The following SYT1 variants were observed in gnomAD, a reference collection of about 807,000 sequenced individuals.
SYT1 encodes the protein synaptotagmin 1, also known as synaptotagmin-1.
Under a neutral mutation model 44.8 loss-of-function variants are expected in SYT1, and 8 were observed. The observed-to-expected ratio is 0.18, with a 90% CI of 0.10 to 0.32. The LOEUF is 0.32. Ranked by LOEUF, SYT1 falls within the 10% of genes least tolerant of loss-of-function variation. SYT1 has a pLI of 1.00. For missense variants in SYT1, 286 were observed against 509.3 expected (o/e 0.56, Z 4.22); for synonymous variants, 154 against 188.8 (o/e 0.82, Z 1.51).
chr12:79,417,922 C>T (rs1868853521), intron 9 of SYT1, among the ~76,000 whole-genome samples: 1 of 152,036 alleles, frequency 6.6e-6, no homozygotes, highest in African/African-American at 2.4e-5. Context: ...GCCCGATGTT[C>T]TGCATTTCTA....
At chr12:79,072,651 C>A (rs913738154) in intron 3 of SYT1, among the ~76,000 whole-genome samples, 1 of 152,060 alleles carries the variant, frequency 6.6e-6, no homozygotes, top group African/African-American at 2.4e-5. Flanking sequence ...TATGCTAGAA[C>A]TTGCAGAGAA....
At chr12:78,974,402 C>G (rs1174223867) in intron 1 of SYT1, among the ~76,000 whole-genome samples, 3 of 151,736 alleles carry the variant, frequency 2.0e-5, no homozygotes, top group Non-Finnish European at 2.9e-5. Flanking sequence ...AACATCAGGT[C>G]TTCCGAAAAT....
chr12:78,904,994 G>A (rs1875883131), intron 1 of SYT1, among the ~76,000 whole-genome samples: 1 of 152,010 alleles, frequency 6.6e-6, no homozygotes, highest in South Asian at 2.1e-4. Flanking sequence ...TAATAAGAAG[G>A]CCAAATATGA....
chr12:79,243,594 G>A (rs1014919295), intron 4 of SYT1, among the ~76,000 whole-genome samples: 11 of 152,168 alleles, frequency 7.2e-5, no homozygotes, highest in South Asian at 2.1e-4. Flanking sequence ...CATTCTTACC[G>A]GCAAGCAGGA....
intron 4 of SYT1, among the ~76,000 whole-genome samples, chr12:79,267,081 A>C (rs1049994430): frequency 6.6e-6 from 1 of 152,222 alleles, no homozygotes; most frequent in Non-Finnish European, 1.5e-5. Context: ...TGTTTCTAGA[A>C]TCTTAAAAGA....
At chr12:79,153,984 AT>A (rs1870438667) in intron 3 of SYT1, among the ~76,000 whole-genome samples, 1 of 152,140 alleles carries the variant, frequency 6.6e-6, no homozygotes, top group African/African-American at 2.4e-5. Flanking sequence ...AACCAAGCAG[AT>A]TTTAGTTGAC....
intron 3 of SYT1, among the ~76,000 whole-genome samples, chr12:79,164,634 T>G (rs924065070): frequency 5.3e-5 from 8 of 152,182 alleles, no homozygotes; most frequent in South Asian, 2.1e-4. Flanking sequence ...TCTTTGGAAA[T>G]TTAATGTTTA....
At chr12:78,912,173 A>G (rs1876373327) in intron 1 of SYT1, among the ~76,000 whole-genome samples, 1 of 152,020 alleles carries the variant, frequency 6.6e-6, no homozygotes, top group South Asian at 2.1e-4. Context: ...AAGTGAAAAT[A>G]GATTTATTCA....
chr12:79,148,823 C>T (rs1260510970), intron 3 of SYT1, among the ~76,000 whole-genome samples: 1 of 152,076 alleles, frequency 6.6e-6, no homozygotes, highest in Non-Finnish European at 1.5e-5. Context: ...TGATTGTAAA[C>T]CATTAATATT....
intron 1 of SYT1, among the ~76,000 whole-genome samples, chr12:78,924,490 T>C (rs1293289675): frequency 6.6e-6 from 1 of 151,582 alleles, no homozygotes; most frequent in African/African-American, 2.4e-5. Flanking sequence ...TTCTTTACAT[T>C]TATTAGTCGA....
intron 1 of SYT1, among the ~76,000 whole-genome samples, chr12:78,940,255 G>A (rs1352589247): frequency 2.0e-5 from 3 of 152,034 alleles, no homozygotes; most frequent in Non-Finnish European, 4.4e-5. Context: ...AGAATGAGAT[G>A]TATTGAGTCT....
chr12:79,312,516 T>C (rs947917648), intron 8 of SYT1, among the ~76,000 whole-genome samples: 23 of 151,982 alleles, frequency 1.5e-4, no homozygotes, highest in African/African-American at 5.3e-4. Flanking sequence ...TCCCTTTTGA[T>C]AAAAGAACAA....
At chr12:79,340,573 A>G (rs1383821135) in intron 8 of SYT1, among the ~76,000 whole-genome samples, 1 of 152,212 alleles carries the variant, frequency 6.6e-6, no homozygotes, top group East Asian at 1.9e-4. Context: ...TTGGGCTGAG[A>G]CAATGGGGTT....
At chr12:79,237,028 G>T (rs749342947) in intron 4 of SYT1, among the ~76,000 whole-genome samples, 1 of 152,140 alleles carries the variant, frequency 6.6e-6, no homozygotes, top group Non-Finnish European at 1.5e-5. Flanking sequence ...TGTGTGGGTA[G>T]AATGGATTGT....
chr12:79,133,824 A>T (rs1869009586), intron 3 of SYT1, among the ~76,000 whole-genome samples: 1 of 152,204 alleles, frequency 6.6e-6, no homozygotes, highest in Admixed American at 6.5e-5. Context: ...AATTATCAAC[A>T]CAATTTCAGA....
At chr12:78,899,218 A>C (rs1267453129) in intron 1 of SYT1, among the ~76,000 whole-genome samples, 3 of 152,090 alleles carry the variant, frequency 2.0e-5, no homozygotes, top group Non-Finnish European at 4.4e-5. Flanking sequence ...TGCTGAAATC[A>C]TTATGAATGT....
chr12:78,877,255 C>T (rs931895518), intron 1 of SYT1, among the ~76,000 whole-genome samples: 4 of 151,178 alleles, frequency 2.6e-5, no homozygotes, highest in Non-Finnish European at 5.9e-5. Flanking sequence ...TGGCGGTAGG[C>T]AAAGAGAGAG....
chr12:79,308,898 T>C (rs1285167694), intron 8 of SYT1, among the ~76,000 whole-genome samples: 1 of 152,210 alleles, frequency 6.6e-6, no homozygotes, highest in Non-Finnish European at 1.5e-5. Context: ...TTAGGAGACA[T>C]AACTATTCCT....
chr12:78,910,709 A>G (rs1876268511), intron 1 of SYT1, among the ~76,000 whole-genome samples: 1 of 152,010 alleles, frequency 6.6e-6, no homozygotes, highest in African/African-American at 2.4e-5. Context: ...TACAACTCTG[A>G]AAAATTCTAC....
Sources: gnomAD v4.1 joint callset for allele counts (sites outside exome capture counted in the v4.1 genomes callset) on GRCh38, gnomAD v4.1.1 for gene constraint, MANE v1.5 for transcripts, NCBI Gene and HGNC (gene_info 2026-07-23, HGNC 2026-07-21) for gene names.